DOCK3: variants seen among roughly 807,000 people sequenced by gnomAD.
DOCK3 encodes dedicator of cytokinesis 3.
DOCK3 carries 60 observed loss-of-function variants against 265.6 expected under a neutral mutation model. The ratio of observed to expected loss-of-function variants is 0.23; its 90% CI spans 0.18 to 0.28. The LOEUF (loss-of-function observed/expected upper bound fraction) is 0.28, where lower values mean the gene tolerates loss of function less well. Among genes scored for constraint, DOCK3 ranks in the 10% least tolerant of loss-of-function variants. The probability of loss-of-function intolerance (pLI) is 1.00; values close to 1 mark genes in which losing one functional copy is unlikely to be tolerated. For synonymous variants in DOCK3, 881 were observed against 938.0 expected (o/e 0.94, Z 1.11); for missense variants, 1,981 against 2,594.3 (o/e 0.76, Z 5.14).
At chr3:51,064,380 T>G (rs2081518753) in intron 5 of DOCK3, 68 bp from the exon 6 acceptor site, 1 of 1,580,016 alleles carries the variant, frequency 6.3e-7, no homozygotes, top group Middle Eastern at 2.0e-4. Context: ...TTTAACTATT[T>G]CTCTTTTTCT....
intron 5 of DOCK3, among the ~76,000 whole-genome samples, chr3:51,054,697 T>C (rs1343297754): frequency 6.6e-6 from 1 of 152,158 alleles, no homozygotes; most frequent in Non-Finnish European, 1.5e-5. Flanking sequence ...TCAGGCAGGA[T>C]TCCTCAATTT....
intron 22 of DOCK3, among the ~76,000 whole-genome samples, chr3:51,252,792 A>G (rs931792296): frequency 6.6e-6 from 1 of 152,208 alleles, no homozygotes; most frequent in African/African-American, 2.4e-5. Context: ...CAAATATACA[A>G]TCATGTCGTC....
intron 27 of DOCK3, among the ~76,000 whole-genome samples, chr3:51,295,667 T>G (rs1291546614): frequency 6.6e-6 from 1 of 152,178 alleles, no homozygotes; most frequent in Non-Finnish European, 1.5e-5. Flanking sequence ...AACATCATAC[T>G]TCATAACAAA....
At chr3:51,183,730 C>T (rs1334360221) in intron 12 of DOCK3, among the ~76,000 whole-genome samples, 1 of 152,074 alleles carries the variant, frequency 6.6e-6, no homozygotes, top group Non-Finnish European at 1.5e-5. Context: ...TACCAGGCTC[C>T]TACTCATTCT....
chr3:51,195,721 T>A (rs539120238), intron 12 of DOCK3, among the ~76,000 whole-genome samples: 1 of 151,652 alleles, frequency 6.6e-6, no homozygotes, highest in Admixed American at 6.6e-5. Context: ...CCTGGCCATT[T>A]TGTGTATTTT....
intron 22 of DOCK3, among the ~76,000 whole-genome samples, chr3:51,250,598 G>A (rs1001324505): frequency 6.6e-6 from 1 of 152,192 alleles, no homozygotes; most frequent in African/African-American, 2.4e-5. Context: ...CAGCCTGGGT[G>A]ACAGAGCAAA....
At chr3:51,080,795 G>C (rs1320882334) in intron 7 of DOCK3, among the ~76,000 whole-genome samples, 2 of 152,086 alleles carry the variant, frequency 1.3e-5, no homozygotes, top group Non-Finnish European at 2.9e-5. Context: ...GCTTAGTGTA[G>C]CTCCTGGATA....
chr3:51,171,435 G>A (rs1342522517), intron 12 of DOCK3, among the ~76,000 whole-genome samples: 2 of 151,822 alleles, frequency 1.3e-5, no homozygotes, highest in African/African-American at 4.8e-5. Context: ...TTGTTTTGTG[G>A]GCCAGGTGCG....
At chr3:51,128,419 C>G (rs1045970204) in intron 9 of DOCK3, among the ~76,000 whole-genome samples, 1 of 152,156 alleles carries the variant, frequency 6.6e-6, no homozygotes, top group Admixed American at 6.5e-5. Flanking sequence ...TCTATTGATC[C>G]AGCTGCTTTA....
intron 1 of DOCK3, among the ~76,000 whole-genome samples, chr3:50,696,836 A>G (rs1355404485): frequency 1.3e-5 from 2 of 152,026 alleles, no homozygotes; most frequent in Admixed American, 1.3e-4. Flanking sequence ...CTCTACTTTA[A>G]ACATTTCAAC....
intron 12 of DOCK3, among the ~76,000 whole-genome samples, chr3:51,194,261 A>G (rs1440026620): frequency 6.6e-6 from 1 of 152,034 alleles, no homozygotes; most frequent in Non-Finnish European, 1.5e-5. Flanking sequence ...TTGTGGTTTG[A>G]GAAGATACTT....
chr3:50,708,398 A>C (rs959440104), intron 1 of DOCK3, among the ~76,000 whole-genome samples: 1 of 152,142 alleles, frequency 6.6e-6, no homozygotes, highest in Non-Finnish European at 1.5e-5. Flanking sequence ...GCTATAGTGC[A>C]GGGGACCTGG....
intron 32 of DOCK3, among the ~76,000 whole-genome samples, chr3:51,315,386 C>T (rs1481802499): frequency 6.6e-6 from 1 of 152,190 alleles, no homozygotes; most frequent in Non-Finnish European, 1.5e-5. Flanking sequence ...ATGATTGAGA[C>T]TGTAGCCTCC....
In DOCK3 at chr3:51,228,694, C is replaced by G; in HGVS notation, c.1681C>G (p.Leu561Val). The change falls in exon 18 of 53, where the codon CTG (leucine) becomes GTG (valine). Residue 561 changes from leucine (L) to valine (V), a missense_variant. By Grantham distance (32) the Leu-to-Val change is conservative. Around this residue, in one of 4 missense-constraint regions of DOCK3, gnomAD observed 1,357 missense variants for 1,866.8 expected, o/e 0.73. Coordinates refer to ENST00000266037, the MANE Select transcript of DOCK3 (RefSeq NM_004947.5). ...DENSTFNNHALYLGLPCCKED... is the reference protein window; with the variant it reads ...DENSTFNNHAVYLGLPCCKED... Reference sequence around the variant, plus strand: ...GAATAGCACGTTTAATAACCATGCTCTGTACCTGGGCCTGCCCTGCTGCAA... The same window carrying G: ...GAATAGCACGTTTAATAACCATGCTGTGTACCTGGGCCTGCCCTGCTGCAA... 6.2e-7 allele frequency: 1 copy of G among 1,613,950 alleles called. No individual in the cohort carries two copies. The highest frequency in any genetic ancestry group is 8.5e-7 in the Non-Finnish European group (1 of 1,179,868).
chr3:51,183,050 A>G (rs1163405710), intron 12 of DOCK3, among the ~76,000 whole-genome samples: 2 of 152,242 alleles, frequency 1.3e-5, no homozygotes, highest in East Asian at 3.8e-4. Flanking sequence ...TGCCAGGTTC[A>G]TAAGGCATGA....
intron 19 of DOCK3, among the ~76,000 whole-genome samples, chr3:51,234,370 C>T (rs184937733): frequency 3.0e-4 from 45 of 152,130 alleles, no homozygotes; most frequent in Admixed American, 5.2e-4. Context: ...GTTTGAGTTC[C>T]TTATACATTT....
chr3:50,678,241 C>T (rs958784348), intron 1 of DOCK3, among the ~76,000 whole-genome samples: 3 of 152,066 alleles, frequency 2.0e-5, no homozygotes, highest in African/African-American at 7.2e-5. Context: ...GTCCCTTTCC[C>T]TCTTAGAGAA....
chr3:51,162,814 A>T (rs1379747934), intron 12 of DOCK3, among the ~76,000 whole-genome samples: 1 of 152,176 alleles, frequency 6.6e-6, no homozygotes. Context: ...GTTCCTTCTT[A>T]TGGATGGTCT....
chr3:50,722,734 T>C (rs897402717), intron 1 of DOCK3, among the ~76,000 whole-genome samples: 1 of 151,718 alleles, frequency 6.6e-6, no homozygotes, highest in East Asian at 1.9e-4. Context: ...GTGGACAACA[T>C]GTATGAACAG....
Sources: allele counts gnomAD v4.1 joint callset (sites outside exome capture counted in the v4.1 genomes callset), GRCh38; gene constraint gnomAD v4.1.1; regional missense constraint gnomAD v4.1.1; transcripts MANE v1.5; gene names NCBI Gene and HGNC (gene_info 2026-07-23, HGNC 2026-07-21).